Variants in ITK observed in about 807,000 individuals in gnomAD.
The protein encoded by ITK is IL2 inducible T cell kinase, also known as tyrosine-protein kinase ITK/TSK.
ITK carries 45 observed loss-of-function variants against 87.6 expected under a neutral mutation model. That is an observed-to-expected ratio of 0.51 (90% CI 0.40 to 0.66). The LOEUF (loss-of-function observed/expected upper bound fraction) is 0.66, where lower values mean the gene tolerates loss of function less well. Ranked by LOEUF, ITK falls within the 30% of genes least tolerant of loss-of-function variation. ITK has a pLI of 0.00. For missense variants in ITK, 605 were observed against 766.3 expected (o/e 0.79, Z 2.48); for synonymous variants, 303 against 273.6 (o/e 1.11, Z -1.06).
At chr5:157,211,910 C>A (rs755801128) in intron 3 of ITK, among the ~76,000 whole-genome samples, 1 of 152,168 alleles carries the variant, frequency 6.6e-6, no homozygotes, top group African/African-American at 2.4e-5. Flanking sequence ...TGAGCAAAGT[C>A]CTAGAAACTA....
At position 157,185,920 on chromosome 5, in the gene ITK, C is replaced by G. The variant is rs532725308; in HGVS notation, c.138+4805C>G. Reference sequence around the variant, plus strand: ...ATAAGATGGAGGTCACCTTTATTCTCATAAGATAGTAACTAACATTTACTG... The same window carrying G: ...ATAAGATGGAGGTCACCTTTATTCTGATAAGATAGTAACTAACATTTACTG... On this transcript the variant is annotated intron_variant, in intron 1 of 16. Transcript: ENST00000422843. Among the ~76,000 whole-genome samples the G allele has an allele frequency of 9.9e-4, 151 of 152,272 alleles. 1 individual carries two copies. The highest frequency in any genetic ancestry group is 3.3e-3 in the African/African-American group (139 of 41,562).
At chr5:157,190,255 A>G (rs374161911) in intron 1 of ITK, among the ~76,000 whole-genome samples, 76 of 152,338 alleles carry the variant, frequency 5.0e-4, no homozygotes, top group African/African-American at 1.8e-3. Context: ...TGTTATAAAA[A>G]TTCAACTATA....
chr5:157,230,647 A>G (rs1754632313), intron 7 of ITK, among the ~76,000 whole-genome samples: 1 of 152,242 alleles, frequency 6.6e-6, no homozygotes, highest in Non-Finnish European at 1.5e-5. Flanking sequence ...AAATCTTTAT[A>G]GGCAATACCT....
chr5:157,238,474 G>A (rs1754821468), intron 9 of ITK, among the ~76,000 whole-genome samples: 1 of 152,180 alleles, frequency 6.6e-6, no homozygotes, highest in Admixed American at 6.5e-5. Flanking sequence ...TGTATTGGAT[G>A]AGTATATAAT....
At chr5:157,200,997 T>A (rs1462859089) in intron 1 of ITK, among the ~76,000 whole-genome samples, 1 of 152,228 alleles carries the variant, frequency 6.6e-6, no homozygotes, top group Non-Finnish European at 1.5e-5. Context: ...ACAATTTTTT[T>A]AATATACTAC....
chr5:157,219,041 G>T (rs1480106951), intron 5 of ITK, among the ~76,000 whole-genome samples: 1 of 151,142 alleles, frequency 6.6e-6, no homozygotes, highest in Non-Finnish European at 1.5e-5. Flanking sequence ...TGGGGGAAAG[G>T]ATCATGACCT....
chr5:157,181,193 A>G (rs1204834076), intron 1 of ITK, 78 bp downstream of exon 1: 2 of 1,381,528 alleles, frequency 1.4e-6, no homozygotes, highest in Admixed American at 3.4e-5. Context: ...ATATATACAT[A>G]GCATAAAATA....
intron 6 of ITK, among the ~76,000 whole-genome samples, chr5:157,223,823 A>G (rs1003438342): frequency 6.6e-6 from 1 of 152,244 alleles, no homozygotes; most frequent in African/African-American, 2.4e-5. Context: ...TTAGGGGTTT[A>G]AATGTTTTCA....
chr5:157,204,405 CAA>C (rs1179006386), intron 1 of ITK, among the ~76,000 whole-genome samples: 1 of 151,478 alleles, frequency 6.6e-6, no homozygotes, highest in African/African-American at 2.4e-5. Context: ...TACTAAAATA[CAA>C]AAAAAATTGG....
chr5:157,239,718 A>T (rs1332250561), intron 9 of ITK, among the ~76,000 whole-genome samples: 1 of 152,154 alleles, frequency 6.6e-6, no homozygotes. Context: ...GGGGTCAGAG[A>T]GGCTTTCTCA....
At chr5:157,246,114 G>T (rs1033465902) in intron 15 of ITK, 115 bp downstream of exon 15, 3 of 813,964 alleles carry the variant, frequency 3.7e-6, no homozygotes, top group Non-Finnish European at 6.6e-6. Flanking sequence ...TCATGAGGGT[G>T]TCCCACTGGA....
At chr5:157,221,710 T>C (rs1000354059) in intron 5 of ITK, among the ~76,000 whole-genome samples, 1 of 152,206 alleles carries the variant, frequency 6.6e-6, no homozygotes, top group Non-Finnish European at 1.5e-5. Flanking sequence ...GTGGGATGAA[T>C]GCCATAGCTC....
chr5:157,189,775 G>T (rs375918580), intron 1 of ITK, among the ~76,000 whole-genome samples: 3 of 152,230 alleles, frequency 2.0e-5, no homozygotes, highest in Non-Finnish European at 4.4e-5. Flanking sequence ...TGGAAATCGT[G>T]TCTACAAAAA....
intron 2 of ITK, 138 bp from the exon 3 acceptor site, chr5:157,211,149 A>G (rs1023790484): frequency 1.9e-5 from 14 of 731,880 alleles, no homozygotes; most frequent in Non-Finnish European, 3.0e-5. Flanking sequence ...TAAAAAGGAT[A>G]CTGGCCCCCT....
intron 10 of ITK, chr5:157,240,899 TTTTCTTTTCTTTTCTTTCTTTTCC>T (rs1754879184): frequency 6.6e-6 from 1 of 152,286 alleles, no homozygotes; most frequent in South Asian, 2.1e-4. Context: ...AACATAGGGC[TTTTCTTTTCTTTTCTTTCTTTTCC>T]TTTCTTTTCT....
At chr5:157,224,005 C>T (rs762333813) in intron 6 of ITK, among the ~76,000 whole-genome samples, 22 of 152,220 alleles carry the variant, frequency 1.4e-4, no homozygotes, top group Admixed American at 6.5e-5. Context: ...ACTATTTGGC[C>T]GGGTGCACTG....
chr5:157,211,270 T>C lies in ITK; in HGVS notation c.244-17T>C, dbSNP rs775624758. 2 of 1,602,418 alleles carry C rather than the reference T, an allele frequency of 1.2e-6. No homozygotes were observed. ...CATGCACGCTGCTCACCTTGAACTCTGTGTGTGTGTCTCCAGGTGGTGCAT... is the reference window on the plus strand; with the variant it reads ...CATGCACGCTGCTCACCTTGAACTCCGTGTGTGTGTCTCCAGGTGGTGCAT... On this transcript the variant is annotated splice_polypyrimidine_tract_variant and intron_variant, in intron 2 of 16. Coordinates refer to ENST00000422843, the MANE Select transcript of ITK (RefSeq NM_005546.4).
chr5:157,219,113 C>CTTT (rs397884045), intron 5 of ITK, among the ~76,000 whole-genome samples: 1 of 136,480 alleles, frequency 7.3e-6, no homozygotes, highest in Non-Finnish European at 1.6e-5. Flanking sequence ...ACTTTTCTTT[C>CTTT]TTTTTTTTTT....
intron 15 of ITK, among the ~76,000 whole-genome samples, chr5:157,247,651 T>C (rs1004297972): frequency 2.0e-5 from 3 of 152,196 alleles, no homozygotes; most frequent in African/African-American, 7.2e-5. Context: ...ATGAGGTTGA[T>C]GGATGGATGC....
Sources: gnomAD v4.1 joint callset for allele counts (sites outside exome capture counted in the v4.1 genomes callset) on GRCh38, gnomAD v4.1.1 for gene constraint, MANE v1.5 for transcripts, NCBI Gene and HGNC (gene_info 2026-07-23, HGNC 2026-07-21) for gene names.